The following B3GNT3 variants were observed in gnomAD, a reference collection of about 807,000 sequenced individuals.
The protein encoded by B3GNT3 is N-acetyllactosaminide beta-1,3-N-acetylglucosaminyltransferase 3.
B3GNT3 carries 7 observed loss-of-function variants against 11.6 expected under a neutral mutation model. That is an observed-to-expected ratio of 0.60 (90% CI 0.34 to 1.13). The LOEUF is 1.13. Ranked by LOEUF, B3GNT3 falls within the 50% of genes most tolerant of loss-of-function variation. The pLI is 0.03. For synonymous variants in B3GNT3, 201 were observed against 222.1 expected (o/e 0.90, Z 0.85); for missense variants, 400 against 507.4 (o/e 0.79, Z 2.03).
At chr19:17,805,965 T>C (rs994891542) in intron 1 of B3GNT3, among the ~76,000 whole-genome samples, 2 of 151,702 alleles carry the variant, frequency 1.3e-5, no homozygotes, top group African/African-American at 4.8e-5. Flanking sequence ...AGCCTGCTAA[T>C]TTTTTGTTTT....
chr19:17,795,475 A>G (rs2094158479), intron 1 of B3GNT3, among the ~76,000 whole-genome samples: 2 of 152,088 alleles, frequency 1.3e-5, no homozygotes, highest in Admixed American at 6.5e-5. Flanking sequence ...CCCCTCCCAG[A>G]TTGGGCGGGA....
chr19:17,809,573 A>G (rs2094177998), intron 2 of B3GNT3, among the ~76,000 whole-genome samples: 1 of 151,424 alleles, frequency 6.6e-6, no homozygotes, highest in Non-Finnish European at 1.5e-5. Context: ...CAGCCTCCTG[A>G]GTAGCTGGGA....
At chr19:17,802,153 C>T (rs2094167088) in intron 1 of B3GNT3, among the ~76,000 whole-genome samples, 1 of 151,914 alleles carries the variant, frequency 6.6e-6, no homozygotes, top group Non-Finnish European at 1.5e-5. Flanking sequence ...GTCTTGAGCA[C>T]CTAAGCTCAA....
Position 17,808,039 on chromosome 19 carries a change from C to T in B3GNT3, c.232C>T (p.Gln78Ter), listed in dbSNP as rs2094175771. 6.2e-7 allele frequency: 1 copy of T among 1,613,242 alleles called. No homozygotes were observed. The highest frequency in any genetic ancestry group is 8.5e-7 in the Non-Finnish European group (1 of 1,179,818). ...VTHPDFATQP[Q>*]HVQNFLLYRH... ...CCACCCGGACTTCGCCACGCAGCCG[C>T]AGCACGTTCAGAACTTCCTCCTGTA... Residue 78 changes from glutamine to a stop codon, truncating the protein, a stop_gained, in exon 2 of 3, where the codon CAG (glutamine) becomes TAG (stop). Coordinates refer to ENST00000318683, the MANE Select transcript of B3GNT3 (RefSeq NM_014256.4). LOFTEE classifies it high-confidence loss of function.
Position 17,803,214 on chromosome 19 carries a change from C to A in B3GNT3, c.-50-4544C>A, listed in dbSNP as rs181398171. On this transcript the variant is annotated intron_variant, in intron 1 of 2. Transcript: ENST00000318683. ...AGAGACAGAGTTTCACCATGTTGGC[C>A]AGGCTGGTCTCAAACTCCTGACCTC... 1.9e-3 allele frequency among the ~76,000 whole-genome samples: 288 copies of A among 152,228 alleles called. 1 individual carries two copies. The highest frequency in any genetic ancestry group is 6.5e-3 in the African/African-American group (269 of 41,542).
At chr19:17,796,706 G>C (rs1046940258) in intron 1 of B3GNT3, among the ~76,000 whole-genome samples, 2 of 152,204 alleles carry the variant, frequency 1.3e-5, no homozygotes, top group African/African-American at 4.8e-5. Flanking sequence ...CACCCCTAGG[G>C]TGTGGCATTT....
chr19:17,806,272 C>T (rs557858018), intron 1 of B3GNT3, among the ~76,000 whole-genome samples: 10 of 151,860 alleles, frequency 6.6e-5, no homozygotes, highest in South Asian at 2.1e-4. Context: ...TGAGCCACTG[C>T]GCCCAGCCTA....
At chr19:17,799,262 A>G (rs1037874380) in intron 1 of B3GNT3, among the ~76,000 whole-genome samples, 1 of 141,794 alleles carries the variant, frequency 7.1e-6, no homozygotes, top group Non-Finnish European at 1.5e-5. Context: ...TTCTGCCACC[A>G]TTCCAGCTTT....
At position 17,801,790 on chromosome 19, in the gene B3GNT3, T is replaced by TA. The variant is rs111894396; in HGVS notation, c.-50-5961dup. 3.8e-3 allele frequency among the ~76,000 whole-genome samples: 584 copies of TA among 152,070 alleles called. 3 individuals carry two copies. The highest frequency in any genetic ancestry group is 0.013 in the African/African-American group (555 of 41,518). ...CTCACCACCACCACACCAGGCTAAT[T>TA]AAAAAAATTTTTTTTGGCTGGGCAT... On this transcript the variant is annotated intron_variant, in intron 1 of 2. Coordinates refer to ENST00000318683, the MANE Select transcript of B3GNT3 (RefSeq NM_014256.4).
intron 2 of B3GNT3, among the ~76,000 whole-genome samples, chr19:17,809,738 C>T (rs1051574775): frequency 1.3e-5 from 2 of 151,966 alleles, no homozygotes; most frequent in African/African-American, 4.8e-5. Context: ...TATGAGCCAC[C>T]ACGCACAGCC....
At chr19:17,807,483 G>C (rs2094174615) in intron 1 of B3GNT3, among the ~76,000 whole-genome samples, 1 of 148,114 alleles carries the variant, frequency 6.8e-6, no homozygotes, top group Non-Finnish European at 1.5e-5. Context: ...CAGAACAAGA[G>C]AGAGAGAGAG....
chr19:17,812,002 C>T lies in B3GNT3; in HGVS notation c.999C>T (p.Asp333=), dbSNP rs1322548830. ...CATCGCAACGCCTGTCCTCCTTTGACCCCTGCTTCTACCGAGACCTGCTGC... is the reference window on the plus strand; with the variant it reads ...CATCGCAACGCCTGTCCTCCTTTGATCCCTGCTTCTACCGAGACCTGCTGC... ...RAPSQRLSSF[D]PCFYRDLLLV... The change falls in exon 3 of 3, where the codon GAC becomes GAT. Residue 333 remains aspartate (D), a synonymous_variant. Transcript: ENST00000318683. 6.2e-7 allele frequency: 1 copy of T among 1,601,720 alleles called. No individual in the cohort carries two copies. Among genetic ancestry groups the T allele is most frequent in the East Asian group, 2.2e-5 (1 of 44,880 alleles).
At chr19:17,795,795 G>A (rs951053805) in intron 1 of B3GNT3, among the ~76,000 whole-genome samples, 27 of 152,154 alleles carry the variant, frequency 1.8e-4, no homozygotes, top group African/African-American at 6.3e-4. Flanking sequence ...GAAGCGTTTA[G>A]TCAAAGGAAA....
chr19:17,802,820 G>A (rs1020612441), intron 1 of B3GNT3, among the ~76,000 whole-genome samples: 1 of 151,988 alleles, frequency 6.6e-6, no homozygotes, highest in African/African-American at 2.4e-5. Context: ...TGGGACTAAA[G>A]GCATACACCA....
chr19:17,808,947 C>T (rs954737938), intron 2 of B3GNT3, among the ~76,000 whole-genome samples: 5 of 152,176 alleles, frequency 3.3e-5, no homozygotes, highest in Admixed American at 3.3e-4. Context: ...GGCGATCCTA[C>T]TGCCTCAGCC....
chr19:17,803,457 T>C (rs941249041), intron 1 of B3GNT3, among the ~76,000 whole-genome samples: 1 of 152,002 alleles, frequency 6.6e-6, no homozygotes. Flanking sequence ...TTTCTGTGCA[T>C]TTGAGGAAGT....
At position 17,808,231 on chromosome 19, in the gene B3GNT3, C is replaced by T; in HGVS notation, c.424C>T (p.Arg142Cys). ...RERKVRGLQLRLLFLVGTASN... is the reference protein window; with the variant it reads ...RERKVRGLQLCLLFLVGTASN... ...GCGCAAGGTACGGGGTTTGCAGCTG[C>T]GCCTCCTCTTCCTGGTGGGCACAGC... Residue 142 changes from arginine to cysteine, a missense_variant, in exon 2 of 3, where the codon CGC (arginine) becomes TGC (cysteine). Coordinates refer to ENST00000318683, the MANE Select transcript of B3GNT3 (RefSeq NM_014256.4). 2 of 1,613,468 alleles carry T rather than the reference C, an allele frequency of 1.2e-6. No individual in the cohort carries two copies. Among genetic ancestry groups the T allele is most frequent in the Non-Finnish European group, 1.7e-6 (2 of 1,179,744 alleles).
chr19:17,807,981 G>A lies in B3GNT3; in HGVS notation c.174G>A (p.Pro58=), dbSNP rs1188512760. The change falls in exon 2 of 3, where the codon CCG becomes CCA. Residue 58 remains proline, a synonymous_variant. Coordinates refer to ENST00000318683, the MANE Select transcript of B3GNT3 (RefSeq NM_014256.4). Reference sequence around the variant, plus strand: ...CCACTCCACCCACCCGCCCAGCCCCGGCCCCGTGCCATGCCAACACCTCTA... The same window carrying A: ...CCACTCCACCCACCCGCCCAGCCCCAGCCCCGTGCCATGCCAACACCTCTA... The part of the protein sequence containing the change: ...AWPTPPTRPA[P]APCHANTSMV... 1.1e-5 allele frequency: 5 copies of A among 456,832 alleles called. No homozygotes were observed. The highest frequency in any genetic ancestry group is 1.5e-5 in the Non-Finnish European group (5 of 323,390). The allele number at this position is 456,832 out of a possible 1,614,324, so 28.3% of individuals were successfully genotyped here.
chr19:17,798,362 G>A (rs1039082512), intron 1 of B3GNT3, among the ~76,000 whole-genome samples: 5 of 152,118 alleles, frequency 3.3e-5, no homozygotes, highest in African/African-American at 9.7e-5. Flanking sequence ...GATAAGGGTG[G>A]TGGCAGCTGC....
Sources: allele counts gnomAD v4.1 joint callset (sites outside exome capture counted in the v4.1 genomes callset), GRCh38; gene constraint gnomAD v4.1.1; transcripts MANE v1.5; gene names NCBI Gene and HGNC (gene_info 2026-07-23, HGNC 2026-07-21).